TIMM9: variants seen among roughly 807,000 people sequenced by gnomAD.
TIMM9 encodes the protein mitochondrial import inner membrane translocase subunit Tim9.
A neutral mutation model predicts 13.4 loss-of-function variants in TIMM9; 10 were observed. The ratio of observed to expected loss-of-function variants is 0.75; its 90% CI spans 0.46 to 1.26. The LOEUF (loss-of-function observed/expected upper bound fraction) is 1.26, where lower values mean the gene tolerates loss of function less well. Among genes scored for constraint, TIMM9 ranks in the 50% most tolerant of loss-of-function variants. The pLI, the probability that TIMM9 is intolerant of heterozygous loss-of-function variation, is 0.00. For missense variants in TIMM9, 87 were observed against 100.8 expected (o/e 0.86, Z 0.58); for synonymous variants, 32 against 32.1 (o/e 1.00, Z 0.01).
intron 2 of TIMM9, among the ~76,000 whole-genome samples, chr14:58,424,578 T>C (rs538285436): frequency 3.9e-5 from 6 of 152,362 alleles, no homozygotes; most frequent in Non-Finnish European, 8.8e-5. Context: ...AAATATATGT[T>C]ATAAGCTAAG....
intron 3 of TIMM9, among the ~76,000 whole-genome samples, chr14:58,420,403 G>A (rs1434088350): frequency 3.3e-5 from 5 of 152,048 alleles, no homozygotes; most frequent in African/African-American, 1.2e-4. Flanking sequence ...AGCAAGAGCC[G>A]TAAAAAGGTA....
intron 3 of TIMM9, among the ~76,000 whole-genome samples, chr14:58,421,209 G>A (rs115064402): frequency 0.016 from 2,479 of 152,280 alleles, 69 homozygotes; most frequent in African/African-American, 0.056. Context: ...ACTTGCAAAA[G>A]CCTGGAAAAT....
At chr14:58,412,030 TGAAG>T in intron 3 of TIMM9, 59 bp from the exon 4 acceptor site, 13 of 1,312,294 alleles carry the variant, frequency 9.9e-6, no homozygotes, top group African/African-American at 1.4e-5. Context: ...TTAGTCTAAC[TGAAG>T]AGTTAGGGAA....
At chr14:58,422,612 A>T (rs1566754443) in intron 3 of TIMM9, among the ~76,000 whole-genome samples, 1 of 152,180 alleles carries the variant, frequency 6.6e-6, no homozygotes, top group Non-Finnish European at 1.5e-5. Flanking sequence ...ATTAATATAC[A>T]TTACTTAAAC....
chr14:58,415,436 A>G (rs563768129), intron 3 of TIMM9, among the ~76,000 whole-genome samples: 15 of 152,244 alleles, frequency 9.9e-5, no homozygotes, highest in Non-Finnish European at 1.9e-4. Flanking sequence ...TTTAAATAGC[A>G]CCTTGTAAAT....
intron 3 of TIMM9, among the ~76,000 whole-genome samples, chr14:58,415,976 G>A (rs1416741782): frequency 6.6e-6 from 1 of 151,860 alleles, no homozygotes; most frequent in African/African-American, 2.4e-5. Context: ...AGCACTTTGG[G>A]AGGCCAAAGC....
In TIMM9 at chr14:58,410,865, G is replaced by A. The variant is rs772232772; in HGVS notation, c.113C>T (p.Thr38Ile). ...CFLDCVKDFT[T>I]REVKPEETTC... ...TACCTCTTCAGGTTTTACTTCTCTTGTTGTGAAGTCTTTAACACAGTCCAA... is the reference window on the plus strand; with the variant it reads ...TACCTCTTCAGGTTTTACTTCTCTTATTGTGAAGTCTTTAACACAGTCCAA... Residue 38 changes from threonine to isoleucine, a missense_variant, in exon 5 of 6, where the codon ACA becomes ATA. Physicochemically the swap from Thr to Ile is moderately conservative, Grantham distance 89 (BLOSUM62 -1). Coordinates refer to ENST00000395159, the MANE Select transcript of TIMM9 (RefSeq NM_012460.4). 7.7e-5 allele frequency: 124 copies of A among 1,609,726 alleles called. No homozygotes were observed. Among genetic ancestry groups the A allele is most frequent in the Non-Finnish European group, 1.0e-4 (118 of 1,178,774 alleles).
At chr14:58,409,312 C>G in intron 5 of TIMM9, 144 bp from the exon 6 acceptor site, 1 of 877,062 alleles carries the variant, frequency 1.1e-6, no homozygotes, top group East Asian at 2.8e-5. Flanking sequence ...CAGCAACTGA[C>G]CATAGCTTTT....
At chr14:58,410,287 C>T (rs1261582048) in intron 5 of TIMM9, among the ~76,000 whole-genome samples, 1 of 151,908 alleles carries the variant, frequency 6.6e-6, no homozygotes, top group Non-Finnish European at 1.5e-5. Context: ...GTTGCCGAGG[C>T]TGGTTTCGAA....
At chr14:58,415,998 T>C (rs1410821192) in intron 3 of TIMM9, among the ~76,000 whole-genome samples, 1 of 151,588 alleles carries the variant, frequency 6.6e-6, no homozygotes, top group Non-Finnish European at 1.5e-5. Context: ...GGTGGGTCGA[T>C]TGAGGTCAGG....
intron 3 of TIMM9, among the ~76,000 whole-genome samples, chr14:58,419,756 C>T (rs944788697): frequency 6.6e-6 from 1 of 150,440 alleles, no homozygotes; most frequent in Admixed American, 6.6e-5. Flanking sequence ...AATACACACA[C>T]AAAAAAAATT....
At chr14:58,412,850 A>C (rs1388823981) in intron 3 of TIMM9, among the ~76,000 whole-genome samples, 2 of 152,096 alleles carry the variant, frequency 1.3e-5, no homozygotes, top group Non-Finnish European at 2.9e-5. Flanking sequence ...ACAGTGAGCC[A>C]AGATCACACC....
chr14:58,413,571 C>G (rs1198489294), intron 3 of TIMM9, among the ~76,000 whole-genome samples: 2 of 152,024 alleles, frequency 1.3e-5, no homozygotes, highest in South Asian at 2.1e-4. Context: ...AATAAAAAAG[C>G]CTTTCTGAAT....
chr14:58,423,725 G>A (rs2036657957), intron 3 of TIMM9: 1 of 152,082 alleles, frequency 6.6e-6, no homozygotes, highest in Non-Finnish European at 1.5e-5. Context: ...CCACCTGATG[G>A]TGAGAACAGG....
intron 5 of TIMM9, among the ~76,000 whole-genome samples, chr14:58,410,401 G>C (rs1330473794): frequency 4.0e-5 from 6 of 151,098 alleles, no homozygotes; most frequent in African/African-American, 1.5e-4. Context: ...CTGGGTAACA[G>C]AGCGAGACCC....
At chr14:58,415,788 T>C (rs1373526775) in intron 3 of TIMM9, among the ~76,000 whole-genome samples, 1 of 151,908 alleles carries the variant, frequency 6.6e-6, no homozygotes, top group Non-Finnish European at 1.5e-5. Context: ...GTAAAAGTAG[T>C]GGAAGAAATA....
rs955173249 is a variant in TIMM9 at position 58,411,245 on chromosome 14, C to T, written c.40-307G>A. Reference sequence around the variant, plus strand: ...GGCGGATTACCTGAGGTCAGGAGTTCGAGACCAGCCTGGCCAACATGGTGA... The same window carrying T: ...GGCGGATTACCTGAGGTCAGGAGTTTGAGACCAGCCTGGCCAACATGGTGA... On this transcript the variant is annotated intron_variant, in intron 4 of 5. Coordinates refer to ENST00000395159, the MANE Select transcript of TIMM9 (RefSeq NM_012460.4). Among the ~76,000 whole-genome samples, 6 of 151,960 alleles carry T rather than the reference C, an allele frequency of 3.9e-5. No individual in the cohort carries two copies. In the South Asian group the frequency reaches 8.3e-4, roughly 21 times the overall value.
intron 2 of TIMM9, among the ~76,000 whole-genome samples, chr14:58,425,427 G>GGT (rs1230560525): frequency 6.6e-6 from 1 of 152,018 alleles, no homozygotes; most frequent in Non-Finnish European, 1.5e-5. Flanking sequence ...TAGCCAGCGT[G>GGT]GTGGCAAGTG....
chr14:58,417,016 G>A (rs2036431787), intron 3 of TIMM9, among the ~76,000 whole-genome samples: 1 of 152,120 alleles, frequency 6.6e-6, no homozygotes, highest in African/African-American at 2.4e-5. Context: ...ATGGGGGCAA[G>A]TCTTTCCCAT....
Sources: gnomAD v4.1 joint callset for allele counts (sites outside exome capture counted in the v4.1 genomes callset) on GRCh38, gnomAD v4.1.1 for gene constraint, MANE v1.5 for transcripts, NCBI Gene and HGNC (gene_info 2026-07-23, HGNC 2026-07-21) for gene names.